SUN5: variants seen among roughly 807,000 people sequenced by gnomAD.
SUN5 encodes SUN domain-containing protein 5.
Under a neutral mutation model 53.7 loss-of-function variants are expected in SUN5, and 44 were observed. That is an observed-to-expected ratio of 0.82 (90% CI 0.64 to 1.05). The LOEUF is 1.05. Among genes scored for constraint, SUN5 ranks in the 50% least tolerant of loss-of-function variants. The pLI is 0.00. For synonymous variants in SUN5, 166 were observed against 179.8 expected (o/e 0.92, Z 0.62); for missense variants, 433 against 483.8 (o/e 0.90, Z 0.98).
intron 6 of SUN5, among the ~76,000 whole-genome samples, chr20:32,996,882 A>G (rs542367195): frequency 6.6e-6 from 1 of 152,164 alleles, no homozygotes; most frequent in South Asian, 2.1e-4. Flanking sequence ...TTCTCTCTCC[A>G]TGCACACTCC....
At chr20:32,983,986 A>G in intron 12 of SUN5, 37 bp from the exon 13 acceptor site, 1 of 1,503,632 alleles carries the variant, frequency 6.7e-7, no homozygotes, top group South Asian at 1.4e-5. Flanking sequence ...GCTCACCCAT[A>G]GACTCCCACC....
At chr20:32,990,490 C>G (rs1989682312) in intron 8 of SUN5, among the ~76,000 whole-genome samples, 1 of 152,198 alleles carries the variant, frequency 6.6e-6, no homozygotes, top group Non-Finnish European at 1.5e-5. Flanking sequence ...AGCTCCCTTC[C>G]CACCAGTCTG....
At chr20:32,991,222 G>A (rs1161971848) in intron 8 of SUN5, among the ~76,000 whole-genome samples, 2 of 152,182 alleles carry the variant, frequency 1.3e-5, no homozygotes, top group Non-Finnish European at 2.9e-5. Flanking sequence ...GGGCAAGGAC[G>A]AGCTCTAGTT....
chr20:32,985,273 C>T, intron 11 of SUN5, 88 bp from the exon 12 acceptor site: 1 of 1,221,528 alleles, frequency 8.2e-7, no homozygotes, highest in Non-Finnish European at 1.2e-6. Context: ...CTTGCACACT[C>T]CCCAGGATGG....
At position 33,001,548 on chromosome 20, in the gene SUN5, TTC is replaced by T. The variant is rs1289727297; in HGVS notation, c.212-272_212-271del. On this transcript the variant is annotated intron_variant, in intron 3 of 12. Transcript: ENST00000356173. ...TTTCTTTCTTTCTTTCTTTCTTTCT[TTC>T]TTTCTTTCTTTCTTTTCTTCCTTCC... Among the ~76,000 whole-genome samples, 52 of 138,632 alleles carry T rather than the reference TTC, an allele frequency of 3.8e-4. 2 individuals carry two copies. Among genetic ancestry groups the T allele is most frequent in the African/African-American group, 1.7e-3 (50 of 30,264 alleles). The allele number at this position is 138,632 out of a possible 152,430, so 90.9% of individuals were successfully genotyped here. A position where few individuals can be genotyped will look rare whatever the true frequency, so the allele number is the denominator to read the frequency against.
chr20:32,992,146 A>G (rs1400160946), intron 8 of SUN5, among the ~76,000 whole-genome samples: 1 of 152,214 alleles, frequency 6.6e-6, no homozygotes, highest in African/African-American at 2.4e-5. Context: ...ATATTCTGGA[A>G]GTTGTCCTAC....
intron 9 of SUN5, among the ~76,000 whole-genome samples, chr20:32,988,345 GGT>G (rs1482955829): frequency 6.6e-6 from 1 of 152,188 alleles, no homozygotes; most frequent in Non-Finnish European, 1.5e-5. Context: ...CCGAGTTGGA[GGT>G]GCTGCCTGGT....
rs548049573 is a variant in SUN5 at position 32,996,588 on chromosome 20, C to A, written c.391-230G>T. Among the ~76,000 whole-genome samples the A allele has an allele frequency of 2.3e-4, 35 of 151,162 alleles. No individual in the cohort carries two copies. The East Asian group carries it at 6.3e-3, about 27-fold the overall frequency. On this transcript the variant is annotated intron_variant, in intron 6 of 12. Coordinates refer to ENST00000356173, the MANE Select transcript of SUN5 (RefSeq NM_080675.4). ...TCCATCCACACCTTCATCCATCCACCCTTATACCCACCCACCCTCCCTTAT... is the reference window on the plus strand; with the variant it reads ...TCCATCCACACCTTCATCCATCCACACTTATACCCACCCACCCTCCCTTAT...
rs1990133146 is a variant in SUN5, at chr20:33,004,427, G to A, written c.-87C>T. On this transcript the variant is annotated 5_prime_UTR_variant, in exon 1 of 13. Transcript: ENST00000356173. ...GGGCTGATGCCTCTGAATGTCCCCT[G>A]AAAAGTGCCAAGTGGAATCTGCCAG... 4 of 1,446,112 alleles carry A rather than the reference G, an allele frequency of 2.8e-6. No individual in the cohort carries two copies. Among genetic ancestry groups the A allele is most frequent in the Non-Finnish European group, 3.7e-6 (4 of 1,094,534 alleles). The allele number at this position is 1,446,112 out of a possible 1,614,324, so 89.6% of individuals were successfully genotyped here.
chr20:33,001,085 G>A (rs1206192608), intron 4 of SUN5, 127 bp downstream of exon 4: 3 of 1,090,666 alleles, frequency 2.8e-6, no homozygotes, highest in Non-Finnish European at 4.0e-6. Context: ...TTTGATAAAA[G>A]CCAGGTTTGG....
intron 3 of SUN5, 125 bp downstream of exon 3, chr20:33,002,462 G>A: frequency 1.1e-6 from 1 of 873,190 alleles, no homozygotes; most frequent in Non-Finnish European, 1.9e-6. Context: ...AGTTCAACCT[G>A]CAGCTCCCCA....
chr20:32,995,309 G>T (rs577834175), intron 8 of SUN5, among the ~76,000 whole-genome samples: 1 of 152,326 alleles, frequency 6.6e-6, no homozygotes, highest in East Asian at 1.9e-4. Flanking sequence ...AGTGCCATTA[G>T]ACTTCTCATT....
chr20:32,986,405 C>T (rs961405505), intron 10 of SUN5, among the ~76,000 whole-genome samples: 7 of 152,160 alleles, frequency 4.6e-5, no homozygotes, highest in South Asian at 2.1e-4. Context: ...GCCCCACAGA[C>T]GGGGAAACAG....
chr20:32,999,665 T>C (rs761308303), intron 5 of SUN5, among the ~76,000 whole-genome samples: 1 of 152,186 alleles, frequency 6.6e-6, no homozygotes, highest in East Asian at 1.9e-4. Context: ...TAGGATTCAC[T>C]GTCTATTTTC....
At chr20:33,002,793 G>A (rs374781687) in intron 2 of SUN5, 68 bp downstream of exon 2, 98 of 1,607,806 alleles carry the variant, frequency 6.1e-5, no homozygotes, top group Middle Eastern at 1.9e-4. Flanking sequence ...CAGGTTGCCC[G>A]TTTGACATCC....
intron 6 of SUN5, 101 bp from the exon 7 acceptor site, chr20:32,996,459 A>G: frequency 1.9e-6 from 2 of 1,062,350 alleles, no homozygotes; most frequent in Non-Finnish European, 2.8e-6. Context: ...AAACCCATAC[A>G]TTCATCCACT....
chr20:32,984,983 T>G, intron 12 of SUN5, 116 bp downstream of exon 12: 1 of 1,063,874 alleles, frequency 9.4e-7, no homozygotes. Context: ...GTCAAACAGG[T>G]TAGTCATGAC....
intron 8 of SUN5, among the ~76,000 whole-genome samples, chr20:32,990,108 G>A (rs1989673464): frequency 6.6e-6 from 1 of 152,128 alleles, no homozygotes; most frequent in South Asian, 2.1e-4. Flanking sequence ...CTATGTGCCA[G>A]GGCTATCCTC....
intron 11 of SUN5, 140 bp from the exon 12 acceptor site, chr20:32,985,325 T>G (rs1202240923): frequency 1.4e-6 from 1 of 715,482 alleles, no homozygotes; most frequent in Non-Finnish European, 2.4e-6. Context: ...TGTGGCACAG[T>G]GTAATGAATA....
Sources: gnomAD v4.1 joint callset for allele counts (sites outside exome capture counted in the v4.1 genomes callset) on GRCh38, gnomAD v4.1.1 for gene constraint, MANE v1.5 for transcripts, NCBI Gene and HGNC (gene_info 2026-07-23, HGNC 2026-07-21) for gene names.